The following NCOA7 variants were observed in gnomAD, a reference collection of about 807,000 sequenced individuals.
The protein encoded by NCOA7 is nuclear receptor coactivator 7, also known as 140 kDa estrogen receptor-associated protein.
A neutral mutation model predicts 104.3 loss-of-function variants in NCOA7; 45 were observed. The ratio of observed to expected loss-of-function variants is 0.43; its 90% CI spans 0.34 to 0.55. NCOA7 has a LOEUF of 0.55. Among genes scored for constraint, NCOA7 ranks in the 20% least tolerant of loss-of-function variants. NCOA7 has a pLI of 0.02. For missense variants in NCOA7, 1,041 were observed against 1,119.7 expected (o/e 0.93, Z 1.00); for synonymous variants, 398 against 402.3 (o/e 0.99, Z 0.13).
chr6:125,838,484 C>G (rs746588511), intron 2 of NCOA7, among the ~76,000 whole-genome samples: 6 of 152,152 alleles, frequency 3.9e-5, no homozygotes, highest in Non-Finnish European at 8.8e-5. Flanking sequence ...TGCAAAACTC[C>G]CCCATGAAAG....
At chr6:125,880,943 C>T (rs1017053698) in intron 5 of NCOA7, 147 bp from the exon 6 acceptor site, 8 of 636,058 alleles carry the variant, frequency 1.3e-5, no homozygotes, top group South Asian at 3.8e-5. Context: ...TCTAGAAAAC[C>T]GTAAGTTGCT....
upstream of NCOA7, among the ~76,000 whole-genome samples, chr6:125,788,785 G>T (rs1315030332): frequency 6.7e-6 from 1 of 148,950 alleles, no homozygotes; most frequent in Non-Finnish European, 1.5e-5. Context: ...CTCGTGATCC[G>T]CCCGCCTCGG....
chr6:125,808,104 C>T (rs766570561), intron 1 of NCOA7, among the ~76,000 whole-genome samples: 7 of 152,180 alleles, frequency 4.6e-5, no homozygotes, highest in Non-Finnish European at 8.8e-5. Context: ...CCCTGAATGT[C>T]CTCTCGTCTA....
intron 1 of NCOA7, among the ~76,000 whole-genome samples, chr6:125,792,592 A>C (rs1774955228): frequency 6.6e-6 from 1 of 152,212 alleles, no homozygotes; most frequent in African/African-American, 2.4e-5. Context: ...GCAAAAGTAG[A>C]AATAAAACAT....
intron 8 of NCOA7, 83 bp from the exon 9 acceptor site, chr6:125,888,856 G>T: frequency 9.7e-7 from 1 of 1,032,994 alleles, no homozygotes. Context: ...TTGAGTTTCT[G>T]TTTTGTTTTT....
At chr6:125,815,506 C>A in intron 2 of NCOA7, 102 bp downstream of exon 2, 1 of 916,256 alleles carries the variant, frequency 1.1e-6, no homozygotes. Flanking sequence ...TGTGCTTGTT[C>A]ATAAATAGAG....
chr6:125,914,225 A>G (rs1331778491), intron 10 of NCOA7, among the ~76,000 whole-genome samples: 1 of 152,244 alleles, frequency 6.6e-6, no homozygotes, highest in African/African-American at 2.4e-5. Flanking sequence ...CAGCATAGGA[A>G]TACAGGCTAA....
intron 3 of NCOA7, among the ~76,000 whole-genome samples, chr6:125,866,105 G>A (rs1209785425): frequency 2.2e-5 from 3 of 137,028 alleles, no homozygotes; most frequent in East Asian, 2.1e-4. Context: ...TGAGGCGGGC[G>A]GATCACCTGA....
At chr6:125,855,664 AAAAC>A (rs745677551) in intron 3 of NCOA7, 8 of 153,310 alleles carry the variant, frequency 5.2e-5, no homozygotes, top group South Asian at 4.1e-4. Flanking sequence ...AACAAAAACA[AAAAC>A]AAACAAAAAA....
Position 125,829,828 on chromosome 6 carries a change from G to A in NCOA7, c.50+14424G>A, listed in dbSNP as rs538467021. ...CCTAGAAGAAGTAATTGAGAGATTA[G>A]AAAGAAAACACAGCATTTTCTTTTC... On this transcript the variant is annotated intron_variant, in intron 2 of 15. Transcript: ENST00000392477. 5.3e-5 allele frequency among the ~76,000 whole-genome samples: 8 copies of A among 152,306 alleles called. No individual in the cohort carries two copies. In the South Asian group the frequency reaches 1.7e-3, roughly 32 times the overall value.
Position 125,929,271 on chromosome 6 carries a change from A to G in NCOA7, c.*500A>G, listed in dbSNP as rs1356556185. ...TTTTTTTAAAAAAAAACTTTTATTT[A>G]TTATTTGTAGTATATTGTCTGAAAT... On this transcript the variant is annotated 3_prime_UTR_variant, in exon 16 of 16. Transcript: ENST00000392477. 1.3e-5 allele frequency: 2 copies of G among 151,010 alleles called. No individual in the cohort carries two copies. Among genetic ancestry groups the G allele is most frequent in the Non-Finnish European group, 3.0e-5 (2 of 67,736 alleles). 9.4% of individuals were successfully genotyped at this position (151,010 alleles called of 1,614,324 possible). A position where few individuals can be genotyped will look rare whatever the true frequency, so the allele number is the denominator to read the frequency against.
chr6:125,877,154 T>C (rs1783448266), intron 4 of NCOA7, among the ~76,000 whole-genome samples: 1 of 152,208 alleles, frequency 6.6e-6, no homozygotes, highest in Non-Finnish European at 1.5e-5. Flanking sequence ...ATATCCTAAC[T>C]TGTTCCAGAA....
intron 10 of NCOA7, among the ~76,000 whole-genome samples, chr6:125,901,670 C>T (rs535671170): frequency 6.6e-6 from 1 of 152,122 alleles, no homozygotes; most frequent in Non-Finnish European, 1.5e-5. Flanking sequence ...TTAGCATTTG[C>T]CATCCATGGA....
At chr6:125,819,545 T>C (rs1777959149) in intron 2 of NCOA7, among the ~76,000 whole-genome samples, 1 of 152,198 alleles carries the variant, frequency 6.6e-6, no homozygotes, top group Non-Finnish European at 1.5e-5. Flanking sequence ...ACAAATGGTT[T>C]TGCAAATAAT....
intron 2 of NCOA7, among the ~76,000 whole-genome samples, chr6:125,816,433 A>AG (rs1777597239): frequency 6.6e-6 from 1 of 152,220 alleles, no homozygotes; most frequent in Non-Finnish European, 1.5e-5. Context: ...CATAAGAGTC[A>AG]GTATTAAACA....
Position 125,815,411 on chromosome 6 carries a change from A to G in NCOA7, c.50+7A>G, listed in dbSNP as rs775612403. 9.1e-5 allele frequency: 146 copies of G among 1,607,400 alleles called. No individual in the cohort carries two copies. The highest frequency in any genetic ancestry group is 1.4e-5 in the Non-Finnish European group (17 of 1,176,692). Reference sequence around the variant, plus strand: ...AACAAAGTTATTTTGCTCGGTAAGCATTCATTTTACAAAATTGTTATCAGT... The same window carrying G: ...AACAAAGTTATTTTGCTCGGTAAGCGTTCATTTTACAAAATTGTTATCAGT... On this transcript the variant is annotated splice_region_variant and intron_variant, in intron 2 of 15. Coordinates refer to ENST00000392477, the MANE Select transcript of NCOA7 (RefSeq NM_181782.5).
intron 2 of NCOA7, among the ~76,000 whole-genome samples, chr6:125,833,857 C>T (rs1324816859): frequency 6.6e-6 from 1 of 152,204 alleles, no homozygotes; most frequent in African/African-American, 2.4e-5. Flanking sequence ...TAACTTCTAA[C>T]TGCAGAGAAA....
In NCOA7 at chr6:125,890,596, C is replaced by T. The variant is rs767269440; in HGVS notation, c.1928-46C>T. The T allele has an allele frequency of 3.3e-6, 5 of 1,526,498 alleles. 1 individual carries two copies. The South Asian group carries it at 6.3e-5, about 19-fold the overall frequency. The allele number at this position is 1,526,498 out of a possible 1,614,324, so 94.6% of individuals were successfully genotyped here. On this transcript the variant is annotated intron_variant, in intron 9 of 15. Coordinates refer to ENST00000392477, the MANE Select transcript of NCOA7 (RefSeq NM_181782.5). ...TTTAAGTTGAAAAATTCTGCTATTA[C>T]CAATATTGTCAATATTGAGGAACAG...
intron 1 of NCOA7, among the ~76,000 whole-genome samples, chr6:125,808,105 C>G (rs1436655696): frequency 6.6e-6 from 1 of 152,168 alleles, no homozygotes; most frequent in East Asian, 1.9e-4. Flanking sequence ...CCTGAATGTC[C>G]TCTCGTCTAC....
Sources: gnomAD v4.1 joint callset for allele counts (sites outside exome capture counted in the v4.1 genomes callset) on GRCh38, gnomAD v4.1.1 for gene constraint, MANE v1.5 for transcripts, NCBI Gene and HGNC (gene_info 2026-07-23, HGNC 2026-07-21) for gene names.